Variants in SLC38A3 observed in about 807,000 individuals in gnomAD.
SLC38A3 encodes sodium-coupled neutral amino acid transporter 3.
A neutral mutation model predicts 59.5 loss-of-function variants in SLC38A3; 17 were observed. The observed-to-expected ratio is 0.29, with a 90% CI of 0.20 to 0.43. SLC38A3 has a LOEUF of 0.43. Ranked by LOEUF, SLC38A3 falls within the 20% of genes least tolerant of loss-of-function variation. The probability of loss-of-function intolerance (pLI) is 1.00; values close to 1 mark genes in which losing one functional copy is unlikely to be tolerated. For synonymous variants in SLC38A3, 238 were observed against 260.3 expected (o/e 0.91, Z 0.82); for missense variants, 454 against 653.9 (o/e 0.69, Z 3.33).
chr3:50,219,750 C>T (rs1330400392), intron 14 of SLC38A3, 131 bp from the exon 15 acceptor site: 3 of 721,152 alleles, frequency 4.2e-6, no homozygotes, highest in Admixed American at 4.7e-5. Context: ...TAGAATCAGG[C>T]AGAGCTCTCC....
rs377628329 is a variant in SLC38A3, at chr3:50,220,013, G to A, written c.1410+29G>A. 6.9e-6 allele frequency: 11 copies of A among 1,604,270 alleles called. No homozygotes were observed. The African/African-American group carries it at 1.1e-4, about 16-fold the overall frequency. ...CGAGGGGCCTGGAGGCCGGTGGGCT[G>A]GTATGGGGCTAAGGGAACTGCCCTG... On this transcript the variant is annotated intron_variant, in intron 15 of 15. Coordinates refer to ENST00000614032, the MANE Select transcript of SLC38A3 (RefSeq NM_006841.6).
Position 50,215,314 on chromosome 3 carries a change from C to G in SLC38A3, c.300-72C>G. 1 of 1,389,922 alleles carries G rather than the reference C, an allele frequency of 7.2e-7. No individual in the cohort carries two copies. The highest frequency in any genetic ancestry group is 1.4e-5 in the African/African-American group (1 of 70,370). 86.1% of individuals were successfully genotyped at this position (1,389,922 alleles called of 1,614,324 possible). ...CCCTCCACCCCCAGGCCTCCCAGAGCCCCTCACCCTCTGCCAGCCACGGTA... is the reference window on the plus strand; with the variant it reads ...CCCTCCACCCCCAGGCCTCCCAGAGGCCCTCACCCTCTGCCAGCCACGGTA... On this transcript the variant is annotated intron_variant, in intron 4 of 15. Coordinates refer to ENST00000614032, the MANE Select transcript of SLC38A3 (RefSeq NM_006841.6). The surrounding 1 kb of genome is among the most constrained non-coding windows in gnomAD (Gnocchi z 7.1).
In SLC38A3 at chr3:50,214,199, C is replaced by T; in HGVS notation, c.-1C>T. The T allele has an allele frequency of 6.2e-7, 1 of 1,613,204 alleles. No individual in the cohort carries two copies. Among genetic ancestry groups the T allele is most frequent in the Non-Finnish European group, 8.5e-7 (1 of 1,179,590 alleles). ...GTGCTCCTGGTGGTGTGCCCTGAGC[C>T]ATGGAGGCGCCTTTGCAGACAGAGA... On this transcript the variant is annotated 5_prime_UTR_variant, in exon 2 of 16. Coordinates refer to ENST00000614032, the MANE Select transcript of SLC38A3 (RefSeq NM_006841.6). This position sits in a 1 kb window ranked among gnomAD's most constrained non-coding sequence, Gnocchi z 6.0.
At position 50,220,378 on chromosome 3, in the gene SLC38A3, C is replaced by T; in HGVS notation, c.*201C>T. 3 of 582,704 alleles carry T rather than the reference C, an allele frequency of 5.1e-6. No individual in the cohort carries two copies. The highest frequency in any genetic ancestry group is 2.9e-5 in the East Asian group (1 of 34,538). 36.1% of individuals were successfully genotyped at this position (582,704 alleles called of 1,614,324 possible). On this transcript the variant is annotated 3_prime_UTR_variant, in exon 16 of 16. Coordinates refer to ENST00000614032, the MANE Select transcript of SLC38A3 (RefSeq NM_006841.6). ...GCCCTTGGGCCACTACCCTGCTAGG[C>T]TCTGGAGCTGTAGAGGCTTCCTGAA...
chr3:50,218,578 C>A lies in SLC38A3; in HGVS notation c.1037-15C>A. On this transcript the variant is annotated splice_polypyrimidine_tract_variant and intron_variant, in intron 12 of 15. Transcript: ENST00000614032. This position sits in a 1 kb window ranked among gnomAD's most constrained non-coding sequence, Gnocchi z 5.8. The stretch of plus-strand genomic sequence containing the variant: ...CCTGGGGCCACCTACTGACCACCCT[C>A]CCTGCCTGCCACAGACGGGGTGGAG... The A allele has an allele frequency of 6.2e-7, 1 of 1,610,284 alleles. No individual in the cohort carries two copies.
At chr3:50,216,662 T>C (rs1321590198) in intron 7 of SLC38A3, among the ~76,000 whole-genome samples, 10 of 152,206 alleles carry the variant, frequency 6.6e-5, no homozygotes, top group Non-Finnish European at 1.3e-4. Context: ...GCAACAGCAG[T>C]GCCTACAATA....
Position 50,220,235 on chromosome 3 carries a change from C to T in SLC38A3, c.*58C>T, listed in dbSNP as rs1575428136. ...TAGCAGCCCTGCCCAGACTCTTCAG[C>T]CCCTGCTCCCATCCAGTGGCCAGTC... On this transcript the variant is annotated 3_prime_UTR_variant, in exon 16 of 16. Transcript: ENST00000614032. 7.5e-7 allele frequency: 1 copy of T among 1,334,236 alleles called. No individual in the cohort carries two copies. The highest frequency in any genetic ancestry group is 1.0e-6 in the Non-Finnish European group (1 of 954,162). The allele number at this position is 1,334,236 out of a possible 1,614,324, so 82.6% of individuals were successfully genotyped here.
At chr3:50,205,381 G>A (rs972326228) in intron 1 of SLC38A3, 33 bp downstream of exon 1, 12 of 152,366 alleles carry the variant, frequency 7.9e-5, no homozygotes, top group African/African-American at 1.9e-4. Context: ...CACCCGCACA[G>A]GGGAATCGGG....
In SLC38A3 at chr3:50,220,277, GCGAT is replaced by G; in HGVS notation, c.*101_*104del. 1.1e-6 allele frequency: 1 copy of G among 892,714 alleles called. No homozygotes were observed. The highest frequency in any genetic ancestry group is 1.8e-6 in the Non-Finnish European group (1 of 562,964). The allele number at this position is 892,714 out of a possible 1,614,324, so 55.3% of individuals were successfully genotyped here. ...TGGCCAGTCGGGGGAGGAGAAAGAC[GCGAT>G]TAACACTGTGGCATTCAGCCAGGCC... On this transcript the variant is annotated 3_prime_UTR_variant, in exon 16 of 16. Coordinates refer to ENST00000614032, the MANE Select transcript of SLC38A3 (RefSeq NM_006841.6).
At position 50,217,376 on chromosome 3, in the gene SLC38A3, A is replaced by AG. The variant is rs766195479; in HGVS notation, c.632-35dup. The AG allele has an allele frequency of 3.2e-5, 51 of 1,606,650 alleles. No homozygotes were observed. The highest frequency in any genetic ancestry group is 4.2e-5 in the Non-Finnish European group (49 of 1,174,306). The stretch of plus-strand genomic sequence containing the variant: ...GGATGTTGGAGGCATACACCATGGG[A>AG]GGGGCCCCAGGTCTCAGAGTGCTCC... On this transcript the variant is annotated intron_variant, in intron 8 of 15. Coordinates refer to ENST00000614032, the MANE Select transcript of SLC38A3 (RefSeq NM_006841.6). The surrounding 1 kb of genome is among the most constrained non-coding windows in gnomAD (Gnocchi z 4.9).
rs918990877 is a variant in SLC38A3, at chr3:50,215,687, G to C, written c.466+51G>C. 6.2e-7 allele frequency: 1 copy of C among 1,611,098 alleles called. No homozygotes were observed. The highest frequency in any genetic ancestry group is 8.5e-7 in the Non-Finnish European group (1 of 1,178,154). ...AGTAGGGAGGTGGACAGCCCTGAAA[G>C]CTGGCTGGTTGGGCTGACCTCAGCG... On this transcript the variant is annotated intron_variant, in intron 6 of 15. Transcript: ENST00000614032. The surrounding 1 kb of genome is among the most constrained non-coding windows in gnomAD (Gnocchi z 7.1).
chr3:50,218,434 T>C lies in SLC38A3; in HGVS notation c.1036+64T>C. On this transcript the variant is annotated intron_variant, in intron 12 of 15. Coordinates refer to ENST00000614032, the MANE Select transcript of SLC38A3 (RefSeq NM_006841.6). The surrounding 1 kb of genome is among the most constrained non-coding windows in gnomAD (Gnocchi z 5.8). ...GGGGGGAAGGGGCTGGTTGTGGCCA[T>C]GGTGCCCTCCATACCGAGGCGTGTG... The C allele has an allele frequency of 6.6e-7, 1 of 1,523,846 alleles. No homozygotes were observed. The highest frequency in any genetic ancestry group is 1.1e-5 in the South Asian group (1 of 89,274). The allele number at this position is 1,523,846 out of a possible 1,614,324, so 94.4% of individuals were successfully genotyped here.
intron 1 of SLC38A3, among the ~76,000 whole-genome samples, chr3:50,208,963 TCTGATGAGTC>T (rs1463278456): frequency 6.6e-6 from 1 of 152,186 alleles, no homozygotes; most frequent in African/African-American, 2.4e-5. Context: ...CATCGGACTC[TCTGATGAGTC>T]CTGAACTGCC....
chr3:50,216,171 C>G (rs587674349), intron 7 of SLC38A3, among the ~76,000 whole-genome samples: 27 of 152,230 alleles, frequency 1.8e-4, no homozygotes, highest in African/African-American at 4.8e-4. Flanking sequence ...GGTTGCCCCC[C>G]CCAACCAAGA....
chr3:50,206,504 C>G (rs759125988), intron 1 of SLC38A3, among the ~76,000 whole-genome samples: 7 of 152,202 alleles, frequency 4.6e-5, no homozygotes, highest in Non-Finnish European at 8.8e-5. Context: ...CCTCGGGGCT[C>G]TCAGTCTGGG....
intron 14 of SLC38A3, 84 bp downstream of exon 14, chr3:50,219,032 C>T (rs1699863875): frequency 1.3e-6 from 2 of 1,524,652 alleles, no homozygotes; most frequent in Non-Finnish European, 1.8e-6. Flanking sequence ...CCTGAGCTTA[C>T]ACCCTACATT....
At position 50,215,431 on chromosome 3, in the gene SLC38A3, C is replaced by T; in HGVS notation, c.345C>T (p.His115=). 1 of 1,614,058 alleles carries T rather than the reference C, an allele frequency of 6.2e-7. No homozygotes were observed. The highest frequency in any genetic ancestry group is 8.5e-7 in the Non-Finnish European group (1 of 1,179,896). The change falls in exon 5 of 16, where the codon CAC becomes CAT. Residue 115 remains histidine, a synonymous_variant. Coordinates refer to ENST00000614032, the MANE Select transcript of SLC38A3 (RefSeq NM_006841.6). The surrounding 1 kb of genome is among the most constrained non-coding windows in gnomAD (Gnocchi z 7.1). ...CCTTGCTCTCCAGCTACTCCATCCA[C>T]CTGCTACTCAAGTCCTCAGGGGTCG... The part of the protein sequence containing the change: ...AVALLSSYSI[H]LLLKSSGVVG...
intron 1 of SLC38A3, among the ~76,000 whole-genome samples, chr3:50,213,710 C>A (rs1488232216): frequency 1.3e-5 from 2 of 152,204 alleles, no homozygotes; most frequent in African/African-American, 4.8e-5. Context: ...GACACAGGGC[C>A]AGTGCAGGAA....
Position 50,215,907 on chromosome 3 carries a change from G to A in SLC38A3, c.548+86G>A, listed in dbSNP as rs587708361. The A allele has an allele frequency of 3.4e-5, 24 of 714,228 alleles. No homozygotes were observed. The highest frequency in any genetic ancestry group is 4.1e-4 in the Middle Eastern group (1 of 2,416). The allele number at this position is 714,228 out of a possible 1,614,324, so 44.2% of individuals were successfully genotyped here. ...GGGTGGGGCTGGGTGAGGGTGGGGG[G>A]GCCCAGGCTGGGCTGGTGGGAGAGA... On this transcript the variant is annotated intron_variant, in intron 7 of 15. Coordinates refer to ENST00000614032, the MANE Select transcript of SLC38A3 (RefSeq NM_006841.6). This position sits in a 1 kb window ranked among gnomAD's most constrained non-coding sequence, Gnocchi z 7.1.
Sources: allele counts gnomAD v4.1 joint callset (sites outside exome capture counted in the v4.1 genomes callset), GRCh38; gene constraint gnomAD v4.1.1; non-coding constraint Gnocchi (gnomAD v3.1); transcripts MANE v1.5; gene names NCBI Gene and HGNC (gene_info 2026-07-23, HGNC 2026-07-21).